XRCC4: variants seen among roughly 807,000 people sequenced by gnomAD.
XRCC4 encodes the protein DNA repair protein XRCC4.
In XRCC4, 28 loss-of-function variants were observed where a neutral mutation model predicts 39.1. The observed-to-expected ratio is 0.72, with a 90% confidence interval of 0.53 to 0.98. XRCC4 has a LOEUF of 0.98. XRCC4 is among the 50% of genes least tolerant of loss of function. XRCC4 has a pLI of 0.00. For missense variants in XRCC4, 350 were observed against 376.4 expected, an observed-to-expected ratio of 0.93 and a Z score of 0.58; for synonymous variants, 123 against 126.4, an observed-to-expected ratio of 0.97 and a Z score of 0.18.
intron 3 of XRCC4, among the ~76,000 whole-genome samples, chr5:83,180,034 C>T (rs1184582971): frequency 6.6e-6 from 1 of 152,046 alleles, no homozygotes; most frequent in Admixed American, 6.6e-5. Context: ...AGGGCCTTAC[C>T]AGGAAAAACC....
At chr5:83,187,517 G>A (rs1434598220) in intron 3 of XRCC4, among the ~76,000 whole-genome samples, 1 of 152,108 alleles carries the variant, frequency 6.6e-6, no homozygotes, top group East Asian at 1.9e-4. Context: ...ACCACATTCA[G>A]GAATATTTTG....
chr5:83,215,181 C>T (rs1376670309), intron 6 of XRCC4, among the ~76,000 whole-genome samples: 1 of 151,586 alleles, frequency 6.6e-6, no homozygotes, highest in African/African-American at 2.4e-5. Flanking sequence ...ACAAAAAATA[C>T]AAAAAAACTT....
At chr5:83,238,389 ATGT>A (rs967588071) in intron 6 of XRCC4, among the ~76,000 whole-genome samples, 1 of 152,140 alleles carries the variant, frequency 6.6e-6, no homozygotes, top group African/African-American at 2.4e-5. Context: ...CTTCAGAGAA[ATGT>A]TGTTGGGAGA....
At chr5:83,304,538 T>C (rs1755411165) in intron 7 of XRCC4, among the ~76,000 whole-genome samples, 1 of 152,202 alleles carries the variant, frequency 6.6e-6, no homozygotes, top group African/African-American at 2.4e-5. Context: ...GACATGTGGG[T>C]ATTTTATTGA....
chr5:83,192,627 G>A (rs2731844), intron 3 of XRCC4, among the ~76,000 whole-genome samples: 71,326 of 151,394 alleles, frequency 0.47, 17,419 homozygotes, highest in African/African-American at 0.57. Flanking sequence ...CAATATTTTA[G>A]AATTTAATTG....
intron 3 of XRCC4, among the ~76,000 whole-genome samples, chr5:83,161,003 T>C (rs1386669151): frequency 6.6e-6 from 1 of 152,154 alleles, no homozygotes; most frequent in Non-Finnish European, 1.5e-5. Flanking sequence ...TATTTAATAA[T>C]AGCAACCCTA....
At chr5:83,372,618 G>A in the XRCC4 span, among the ~76,000 whole-genome samples, 11 of 152,172 alleles carry the variant, frequency 7.2e-5, no homozygotes, top group Non-Finnish European at 1.3e-4. Flanking sequence ...TAAACTGTCT[G>A]TAGTTGAGGT....
intron 7 of XRCC4, among the ~76,000 whole-genome samples, chr5:83,310,327 T>A: frequency 6.6e-6 from 1 of 152,186 alleles, no homozygotes; most frequent in East Asian, 1.9e-4. Flanking sequence ...ATGTGTTTAC[T>A]AATTTGTCGA....
intron 7 of XRCC4, among the ~76,000 whole-genome samples, chr5:83,351,000 C>T (rs1158243600): frequency 1.3e-5 from 2 of 152,140 alleles, no homozygotes; most frequent in Admixed American, 6.5e-5. Flanking sequence ...AATCTCATGT[C>T]TAATTGTAAT....
chr5:83,156,442 CAAATA>C (rs1580304529), intron 3 of XRCC4, among the ~76,000 whole-genome samples: 2 of 151,696 alleles, frequency 1.3e-5, no homozygotes, highest in South Asian at 4.2e-4. Flanking sequence ...GAGAGAAAGT[CAAATA>C]AAATAAAATT....
rs148084746 is a variant in XRCC4 at position 83,297,254 on chromosome 5, G to T, written c.893+38577G>T. On this transcript the variant is annotated intron_variant, in intron 7 of 7. Coordinates refer to ENST00000396027, the MANE Select transcript of XRCC4 (RefSeq NM_003401.5). ...TTTAATGATAAAATATTTAAAACAA[G>T]ACTAAGTTATTGAGGAACCTCTTTC... 2.3e-3 allele frequency among the ~76,000 whole-genome samples: 352 copies of T among 151,982 alleles called. 2 individuals are homozygous for T. Among genetic ancestry groups the T allele is most frequent in the Non-Finnish European group, 3.8e-3 (260 of 67,830 alleles).
chr5:83,329,717 T>C (rs551195121), intron 7 of XRCC4, among the ~76,000 whole-genome samples: 2 of 152,212 alleles, frequency 1.3e-5, no homozygotes, highest in Admixed American at 1.3e-4. Context: ...TGCACAACTT[T>C]AATCAAAGCA....
At chr5:83,129,212 G>T (rs1747430995) in intron 3 of XRCC4, among the ~76,000 whole-genome samples, 1 of 143,082 alleles carries the variant, frequency 7.0e-6, no homozygotes, top group South Asian at 2.3e-4. Context: ...AGTTTTCCCA[G>T]CACCATTTAT....
At chr5:83,354,186 T>A (rs1757162940), downstream of XRCC4, among the ~76,000 whole-genome samples, 1 of 152,214 alleles carries the variant, frequency 6.6e-6, no homozygotes, top group Non-Finnish European at 1.5e-5. Context: ...TATAGTTGAT[T>A]GATTCTCCTC....
chr5:83,127,559 G>T (rs1363609061), intron 3 of XRCC4, among the ~76,000 whole-genome samples: 6 of 150,594 alleles, frequency 4.0e-5, no homozygotes, highest in East Asian at 2.0e-4. Context: ...TTTTGTTTTT[G>T]TTTTTTTTTA....
intron 6 of XRCC4, among the ~76,000 whole-genome samples, chr5:83,214,007 C>T (rs1297145923): frequency 6.6e-6 from 1 of 152,122 alleles, no homozygotes; most frequent in Non-Finnish European, 1.5e-5. Context: ...AAATCCAACA[C>T]ACATTAATAA....
chr5:83,217,373 A>AC (rs1010334863), intron 6 of XRCC4, among the ~76,000 whole-genome samples: 1 of 151,564 alleles, frequency 6.6e-6, no homozygotes, highest in African/African-American at 2.4e-5. Flanking sequence ...AAAAAAAAAA[A>AC]AAAACCATTG....
chr5:83,264,728 C>G (rs535998433), intron 7 of XRCC4, among the ~76,000 whole-genome samples: 1 of 149,968 alleles, frequency 6.7e-6, no homozygotes, highest in Admixed American at 6.8e-5. Flanking sequence ...CTGTAACCCA[C>G]AACTTTTTTT....
chr5:83,255,897 T>C (rs561575549), intron 6 of XRCC4, among the ~76,000 whole-genome samples: 2 of 152,186 alleles, frequency 1.3e-5, no homozygotes, highest in Admixed American at 1.3e-4. Flanking sequence ...TTTAGCAGGT[T>C]ATCTCTAGGT....
Sources: gnomAD v4.1 joint callset for allele counts (sites outside exome capture counted in the v4.1 genomes callset) on GRCh38, gnomAD v4.1.1 for gene constraint, MANE v1.5 for transcripts, NCBI Gene and HGNC (gene_info 2026-07-23, HGNC 2026-07-21) for gene names.